Variants in STIL observed in about 807,000 individuals in gnomAD.
STIL encodes SCL-interrupting locus protein.
Under a neutral mutation model 110.1 loss-of-function variants are expected in STIL, and 55 were observed. The observed-to-expected ratio is 0.50, with a 90% CI of 0.40 to 0.63. The LOEUF (loss-of-function observed/expected upper bound fraction) is 0.63, where lower values mean the gene tolerates loss of function less well. STIL is among the 20% of genes least tolerant of loss of function. STIL has a pLI of 0.00. For missense variants in STIL, 1,358 were observed against 1,530.0 expected (o/e 0.89, Z 1.87); for synonymous variants, 481 against 530.0 (o/e 0.91, Z 1.27).
intron 15 of STIL, among the ~76,000 whole-genome samples, chr1:47,262,203 T>C (rs938926037): frequency 1.3e-5 from 2 of 152,182 alleles, no homozygotes; most frequent in Admixed American, 1.3e-4. Flanking sequence ...GATGAATACA[T>C]AGGGCCCTGT....
chr1:47,256,328 C>T (rs1286544572), intron 16 of STIL, among the ~76,000 whole-genome samples: 35 of 152,136 alleles, frequency 2.3e-4, no homozygotes. Context: ...GGATTTAGAA[C>T]TATATAAAAT....
intron 16 of STIL, among the ~76,000 whole-genome samples, chr1:47,254,180 CAAAAAAAAAAAAAAAAAA>C (rs59259774): frequency 4.9e-5 from 3 of 61,408 alleles, no homozygotes; most frequent in Non-Finnish European, 8.7e-5. Flanking sequence ...GACTCTGTCT[CAAAAAAAAAAAAAAAAAA>C]AAAAAAAAAA....
At chr1:47,270,251 T>TGCACAC (rs1644791011) in intron 13 of STIL, among the ~76,000 whole-genome samples, 1 of 119,194 alleles carries the variant, frequency 8.4e-6, no homozygotes, top group Non-Finnish European at 1.6e-5. Flanking sequence ...AATATATATA[T>TGCACAC]ATATACACAC....
At chr1:47,261,804 T>G (rs1272071066) in intron 15 of STIL, among the ~76,000 whole-genome samples, 4 of 151,038 alleles carry the variant, frequency 2.6e-5, no homozygotes, top group African/African-American at 9.8e-5. Context: ...CCCAGCTACT[T>G]GGAAGGCTGA....
At position 47,311,803 on chromosome 1, in the gene STIL, T is replaced by C. The variant is rs145649238; in HGVS notation, c.-43-1441A>G. On this transcript the variant is annotated intron_variant, in intron 1 of 16. Coordinates refer to ENST00000371877, the MANE Select transcript of STIL (RefSeq NM_001048166.1). Reference sequence around the variant, plus strand: ...AGCTCATTCCTGTAATCCCACCACTTTGGGAGGCCGAGGTGGGTGGATCAC... The same window carrying C: ...AGCTCATTCCTGTAATCCCACCACTCTGGGAGGCCGAGGTGGGTGGATCAC... 5.8e-3 allele frequency among the ~76,000 whole-genome samples: 882 copies of C among 152,222 alleles called. 8 individuals carry two copies. Among genetic ancestry groups the C allele is most frequent in the African/African-American group, 0.02 (829 of 41,546 alleles).
At chr1:47,265,237 C>CAAAAAAAAAAAAAAAAAAAAA (rs61666574) in intron 14 of STIL, among the ~76,000 whole-genome samples, 1 of 51,658 alleles carries the variant, frequency 1.9e-5, no homozygotes, top group East Asian at 4.7e-4. Context: ...CTCCATCTCC[C>CAAAAAAAAAAAAAAAAAAAAA]AAAAAAAAAA....
chr1:47,273,760 T>A (rs1057455408), intron 12 of STIL, among the ~76,000 whole-genome samples: 8 of 152,214 alleles, frequency 5.3e-5, no homozygotes, highest in African/African-American at 1.9e-4. Flanking sequence ...ATTTTCTGCT[T>A]CTCTACAAAT....
At chr1:47,300,449 T>C (rs1645770929) in intron 5 of STIL, among the ~76,000 whole-genome samples, 2 of 150,034 alleles carry the variant, frequency 1.3e-5, no homozygotes, top group Admixed American at 1.3e-4. Context: ...ATTTACCACA[T>C]GGGAAAAAAT....
At chr1:47,261,335 C>T (rs1644478740) in intron 15 of STIL, among the ~76,000 whole-genome samples, 1 of 151,644 alleles carries the variant, frequency 6.6e-6, no homozygotes. Flanking sequence ...TTGCAGAGAG[C>T]TGAGATGGCG....
In STIL at chr1:47,251,656, ATGT is replaced by A; in HGVS notation, c.3344_3346del (p.Asn1115del). On this transcript the variant is annotated inframe_deletion, in exon 17 of 17. Transcript: ENST00000371877. ...CATATATTTTTTGGTTGCAAATGAC[ATGT>A]TGTTTGGTGAAATTAAACTAAGCCC... is the stretch of plus-strand genomic sequence containing the variant. 10 of 1,614,188 alleles carry A rather than the reference ATGT, an allele frequency of 6.2e-6. No individual in the cohort carries two copies. The highest frequency in any genetic ancestry group is 1.6e-4 in the Middle Eastern group (1 of 6,062).
At chr1:47,302,428 A>T (rs1645833081) in intron 3 of STIL, 82 bp from the exon 4 acceptor site, 2 of 1,027,506 alleles carry the variant, frequency 1.9e-6, no homozygotes, top group Admixed American at 3.7e-5. Flanking sequence ...TGTCTAAATT[A>T]TAACACACAT....
intron 16 of STIL, among the ~76,000 whole-genome samples, chr1:47,255,904 C>T (rs1644315296): frequency 6.6e-6 from 1 of 152,156 alleles, no homozygotes; most frequent in African/African-American, 2.4e-5. Flanking sequence ...CTGCCTTAGC[C>T]ACTCTTCTGG....
At chr1:47,265,809 AAC>A (rs979447271) in intron 14 of STIL, among the ~76,000 whole-genome samples, 4 of 147,254 alleles carry the variant, frequency 2.7e-5, no homozygotes, top group African/African-American at 7.4e-5. Context: ...AAAAAAAAGA[AAC>A]AGTCTCTCTC....
intron 10 of STIL, among the ~76,000 whole-genome samples, chr1:47,286,864 C>A (rs1220812009): frequency 6.6e-6 from 1 of 152,110 alleles, no homozygotes; most frequent in East Asian, 1.9e-4. Context: ...TTTCTCTACA[C>A]TTCACTTTTC....
At chr1:47,309,740 G>A (rs544755190) in intron 2 of STIL, among the ~76,000 whole-genome samples, 1 of 152,238 alleles carries the variant, frequency 6.6e-6, no homozygotes, top group South Asian at 2.1e-4. Context: ...AAAAATGGAA[G>A]ACAGGTGGCA....
chr1:47,307,894 G>A (rs937292295), intron 2 of STIL, among the ~76,000 whole-genome samples: 11 of 152,306 alleles, frequency 7.2e-5, no homozygotes, highest in East Asian at 1.9e-4. Context: ...TCTTATGGTC[G>A]AGATTGCAGA....
intron 15 of STIL, 93 bp downstream of exon 15, chr1:47,262,810 G>A: frequency 8.6e-7 from 1 of 1,157,316 alleles, no homozygotes; most frequent in Non-Finnish European, 1.3e-6. Context: ...TTATCTTAAG[G>A]TCTCAATCAG....
intron 2 of STIL, 191 bp from the exon 3 acceptor site, chr1:47,305,187 G>A (rs185837851): frequency 5.2e-4 from 271 of 516,378 alleles, no homozygotes; most frequent in African/African-American, 2.9e-3. Flanking sequence ...GTGCAGTGGC[G>A]TGATCTCAGC....
Position 47,250,880 on chromosome 1 carries a change from T to C in STIL, c.*256A>G, listed in dbSNP as rs536072239. The C allele has an allele frequency of 7.4e-5, 34 of 460,440 alleles. 1 individual carries two copies. The South Asian group carries it at 1.0e-3, about 14-fold the overall frequency. The allele number at this position is 460,440 out of a possible 1,614,324, so 28.5% of individuals were successfully genotyped here. A position where few individuals can be genotyped will look rare whatever the true frequency, so the allele number is the denominator to read the frequency against. Reference sequence around the variant, plus strand: ...TTAGAGCTGGATAGTATCTGTCTACTACTTAAACTTGTAGGAATAACTGAT... The same window carrying C: ...TTAGAGCTGGATAGTATCTGTCTACCACTTAAACTTGTAGGAATAACTGAT... On this transcript the variant is annotated 3_prime_UTR_variant, in exon 17 of 17. Coordinates refer to ENST00000371877, the MANE Select transcript of STIL (RefSeq NM_001048166.1).
Sources: allele counts gnomAD v4.1 joint callset (sites outside exome capture counted in the v4.1 genomes callset), GRCh38; gene constraint gnomAD v4.1.1; transcripts MANE v1.5; gene names NCBI Gene and HGNC (gene_info 2026-07-23, HGNC 2026-07-21).